AGMO: variants seen among roughly 807,000 people sequenced by gnomAD.
The protein encoded by AGMO is alkylglycerol monooxygenase.
AGMO carries 75 observed loss-of-function variants against 60.2 expected under a neutral mutation model. That is an observed-to-expected ratio of 1.25 (90% confidence interval 1.03 to 1.51). The LOEUF (loss-of-function observed/expected upper bound fraction) is 1.51. Ranked by LOEUF, AGMO falls within the 40% of genes most tolerant of loss-of-function variation. The pLI, the probability that AGMO is intolerant of heterozygous loss-of-function variation, is 0.00. For synonymous variants in AGMO, 261 were observed against 177.1 expected (o/e 1.47, Z -3.76); for missense variants, 763 against 525.5 (o/e 1.45, Z -4.42).
intron 3 of AGMO, among the ~76,000 whole-genome samples, chr7:15,441,659 G>A (rs1001372394): frequency 7.2e-5 from 11 of 152,126 alleles, no homozygotes; most frequent in African/African-American, 2.7e-4. Flanking sequence ...CTCCTCCCCT[G>A]CAGCACGTTT....
intron 12 of AGMO, among the ~76,000 whole-genome samples, chr7:15,339,992 G>A (rs1275748489): frequency 6.6e-6 from 1 of 152,106 alleles, no homozygotes; most frequent in African/African-American, 2.4e-5. Flanking sequence ...TAGATGGAAG[G>A]AGCATAGCAC....
At chr7:15,145,400 A>G in the AGMO span, among the ~76,000 whole-genome samples, 1 of 152,142 alleles carries the variant, frequency 6.6e-6, no homozygotes, top group East Asian at 1.9e-4. Flanking sequence ...ATACAATAAA[A>G]CTAAATGAAA....
At chr7:15,487,617 C>T (rs895684807) in intron 3 of AGMO, among the ~76,000 whole-genome samples, 4 of 152,008 alleles carry the variant, frequency 2.6e-5, no homozygotes, top group Non-Finnish European at 5.9e-5. Flanking sequence ...CAAGCAGGAT[C>T]CCATTTTCTC....
chr7:15,219,595 G>C (rs947640321), intron 12 of AGMO, among the ~76,000 whole-genome samples: 1 of 152,072 alleles, frequency 6.6e-6, no homozygotes, highest in Non-Finnish European at 1.5e-5. Flanking sequence ...GACAAGATAG[G>C]TGATTGAAGC....
At chr7:15,283,675 A>C (rs1224382207) in intron 12 of AGMO, among the ~76,000 whole-genome samples, 4 of 152,082 alleles carry the variant, frequency 2.6e-5, no homozygotes, top group African/African-American at 9.6e-5. Context: ...CAGATCTTCA[A>C]GACAGAAAGT....
chr7:15,327,657 T>C (rs1234970961), intron 12 of AGMO, among the ~76,000 whole-genome samples: 3 of 151,958 alleles, frequency 2.0e-5, no homozygotes, highest in African/African-American at 4.8e-5. Flanking sequence ...AGGAAGGTTA[T>C]TTACGTTGAG....
At chr7:15,459,296 C>CTT (rs1458354694) in intron 3 of AGMO, among the ~76,000 whole-genome samples, 1 of 152,028 alleles carries the variant, frequency 6.6e-6, no homozygotes, top group Non-Finnish European at 1.5e-5. Context: ...TCAATATAGT[C>CTT]AGTTTAAAAG....
At chr7:15,328,540 A>C (rs1781414159) in intron 12 of AGMO, among the ~76,000 whole-genome samples, 1 of 152,192 alleles carries the variant, frequency 6.6e-6, no homozygotes, top group African/African-American at 2.4e-5. Context: ...GGAATAATTG[A>C]AAGACCAATC....
chr7:15,480,788 G>C (rs1176227207), intron 3 of AGMO, among the ~76,000 whole-genome samples: 1 of 152,020 alleles, frequency 6.6e-6, no homozygotes, highest in East Asian at 1.9e-4. Flanking sequence ...CACTGCTACA[G>C]GAAAGTGACA....
chr7:15,480,719 T>C (rs1562528580), intron 3 of AGMO, among the ~76,000 whole-genome samples: 1 of 152,154 alleles, frequency 6.6e-6, no homozygotes, highest in South Asian at 2.1e-4. Context: ...GTTTGGATCT[T>C]ATAGTCTTTT....
chr7:15,485,551 C>T (rs1782896626), intron 3 of AGMO, among the ~76,000 whole-genome samples: 1 of 152,142 alleles, frequency 6.6e-6, no homozygotes, highest in Non-Finnish European at 1.5e-5. Flanking sequence ...GGTCAGGGAA[C>T]CCTGTTCAAT....
At chr7:15,480,231 A>G (rs760656291) in intron 3 of AGMO, among the ~76,000 whole-genome samples, 5 of 152,180 alleles carry the variant, frequency 3.3e-5, no homozygotes, top group Non-Finnish European at 7.4e-5. Flanking sequence ...ATCTAGATGG[A>G]GTAAAGAAGC....
intron 3 of AGMO, among the ~76,000 whole-genome samples, chr7:15,474,343 C>T (rs928999629): frequency 1.3e-5 from 2 of 151,968 alleles, no homozygotes; most frequent in African/African-American, 4.8e-5. Context: ...GTACTGGTAC[C>T]AAAACAGAGA....
chr7:15,497,676 T>C (rs1300305839), intron 3 of AGMO, among the ~76,000 whole-genome samples: 2 of 152,102 alleles, frequency 1.3e-5, no homozygotes, highest in African/African-American at 2.4e-5. Context: ...AATTAATTGA[T>C]TCATTCTAAA....
intron 12 of AGMO, among the ~76,000 whole-genome samples, chr7:15,312,019 C>G (rs941150809): frequency 1.3e-5 from 2 of 151,814 alleles, no homozygotes; most frequent in Non-Finnish European, 2.9e-5. Context: ...TGTTATGAAA[C>G]TCTCCAAATG....
Position 15,200,753 on chromosome 7 carries a change from A to G in AGMO, c.*532T>C, listed in dbSNP as rs1781254677. On this transcript the variant is annotated 3_prime_UTR_variant, in exon 13 of 13. Transcript: ENST00000342526. Reference sequence around the variant, plus strand: ...CATGATCCGCCCACCTCAGCCCCACAAAGTGCTGGGATTACAGGGGTGAGC... The same window carrying G: ...CATGATCCGCCCACCTCAGCCCCACGAAGTGCTGGGATTACAGGGGTGAGC... The G allele has an allele frequency of 6.6e-6, 1 of 152,422 alleles. No homozygotes were observed. The highest frequency in any genetic ancestry group is 1.5e-5 in the Non-Finnish European group (1 of 68,260). The allele number at this position is 152,422 out of a possible 1,614,324, so 9.4% of individuals were successfully genotyped here. A position where few individuals can be genotyped will look rare whatever the true frequency, so the allele number is the denominator to read the frequency against.
At chr7:15,299,881 A>ACG (rs1784517615) in intron 12 of AGMO, among the ~76,000 whole-genome samples, 1 of 125,012 alleles carries the variant, frequency 8.0e-6, no homozygotes, top group African/African-American at 4.2e-5. Flanking sequence ...ACACACACAC[A>ACG]CACACAGTAT....
At chr7:15,189,000 G>C in the AGMO span, among the ~76,000 whole-genome samples, 2 of 152,152 alleles carry the variant, frequency 1.3e-5, no homozygotes, top group Non-Finnish European at 2.9e-5. Flanking sequence ...AAATGATGGA[G>C]ATAAACATGG....
At chr7:15,398,529 C>T (rs1306606777) in intron 5 of AGMO, among the ~76,000 whole-genome samples, 1 of 152,086 alleles carries the variant, frequency 6.6e-6, no homozygotes, top group Non-Finnish European at 1.5e-5. Flanking sequence ...CCTTCCAATT[C>T]AAAGTCATGG....
Sources: gnomAD v4.1 joint callset for allele counts (sites outside exome capture counted in the v4.1 genomes callset) on GRCh38, gnomAD v4.1.1 for gene constraint, MANE v1.5 for transcripts, NCBI Gene and HGNC (gene_info 2026-07-23, HGNC 2026-07-21) for gene names.